Variants in PLEKHM3 observed in about 807,000 individuals in gnomAD.
PLEKHM3 encodes pleckstrin homology domain-containing family M member 3.
Under a neutral mutation model 81.8 loss-of-function variants are expected in PLEKHM3, and 45 were observed. That is an observed-to-expected ratio of 0.55 (90% CI 0.43 to 0.71). The LOEUF (loss-of-function observed/expected upper bound fraction) is 0.71, where lower values mean the gene tolerates loss of function less well. PLEKHM3 is among the 30% of genes least tolerant of loss of function. The pLI, the probability that PLEKHM3 is intolerant of heterozygous loss-of-function variation, is 0.00. For synonymous variants in PLEKHM3, 352 were observed against 356.4 expected (o/e 0.99, Z 0.14); for missense variants, 788 against 924.3 (o/e 0.85, Z 1.91).
intron 5 of PLEKHM3, among the ~76,000 whole-genome samples, chr2:207,930,524 T>G (rs1268099967): frequency 1.3e-5 from 2 of 152,152 alleles, no homozygotes; most frequent in East Asian, 3.8e-4. Flanking sequence ...TTATGAACTA[T>G]TTTAAACATG....
chr2:207,832,718 G>T (rs2092295322), intron 7 of PLEKHM3, among the ~76,000 whole-genome samples: 1 of 151,846 alleles, frequency 6.6e-6, no homozygotes, highest in African/African-American at 2.4e-5. Context: ...TTGAACCCGG[G>T]AGTCAGAGTT....
chr2:207,938,283 G>A (rs1004577296), intron 4 of PLEKHM3, among the ~76,000 whole-genome samples: 20 of 152,120 alleles, frequency 1.3e-4, no homozygotes, highest in Non-Finnish European at 2.2e-4. Flanking sequence ...AGGGTTTAGC[G>A]CTTCCTAATC....
chr2:207,923,540 G>C (rs929110546), intron 5 of PLEKHM3, among the ~76,000 whole-genome samples: 1 of 152,068 alleles, frequency 6.6e-6, no homozygotes, highest in Admixed American at 6.6e-5. Flanking sequence ...CAGGGAGGTG[G>C]AGGTTGCGGT....
intron 4 of PLEKHM3, among the ~76,000 whole-genome samples, chr2:207,941,905 C>T (rs939366601): frequency 6.6e-6 from 1 of 152,090 alleles, no homozygotes; most frequent in Non-Finnish European, 1.5e-5. Context: ...CAAATCAAAA[C>T]CACAATGAGA....
At chr2:207,911,631 T>C (rs1688811234) in intron 5 of PLEKHM3, among the ~76,000 whole-genome samples, 1 of 152,156 alleles carries the variant, frequency 6.6e-6, no homozygotes, top group African/African-American at 2.4e-5. Context: ...ACAGAGGATG[T>C]TTAGGGGTGA....
At chr2:207,944,358 G>A (rs916958157) in intron 4 of PLEKHM3, among the ~76,000 whole-genome samples, 1 of 152,204 alleles carries the variant, frequency 6.6e-6, no homozygotes, top group Non-Finnish European at 1.5e-5. Flanking sequence ...GAAGAGACGA[G>A]ATTTGGCAAA....
chr2:207,825,568 A>G lies in PLEKHM3; in HGVS notation c.*2751T>C, dbSNP rs2105873536. The G allele has an allele frequency of 6.6e-6, 1 of 152,326 alleles. No homozygotes were observed. Among genetic ancestry groups the G allele is most frequent in the East Asian group, 1.9e-4 (1 of 5,186 alleles). The allele number at this position is 152,326 out of a possible 1,614,324, so 9.4% of individuals were successfully genotyped here. On this transcript the variant is annotated 3_prime_UTR_variant, in exon 8 of 8. Coordinates refer to ENST00000427836, the MANE Select transcript of PLEKHM3 (RefSeq NM_001080475.3). ...CAAGTAATTTGTTAAAGTTGAAAAC[A>G]GTAAGGGCGTTCATGTGCGCCAAGG...
chr2:207,833,863 A>C (rs185127501), intron 7 of PLEKHM3, among the ~76,000 whole-genome samples: 34 of 152,348 alleles, frequency 2.2e-4, no homozygotes, highest in African/African-American at 8.2e-4. Context: ...TTACGTTCTT[A>C]CCAACCAATA....
intron 5 of PLEKHM3, among the ~76,000 whole-genome samples, chr2:207,921,873 T>A (rs992099977): frequency 9.8e-5 from 15 of 152,344 alleles, no homozygotes; most frequent in African/African-American, 3.6e-4. Context: ...TACTTCATTG[T>A]GTATATTTAC....
Position 208,001,032 on chromosome 2 carries a change from G to A in PLEKHM3, c.608C>T (p.Thr203Ile), listed in dbSNP as rs1574481604. Residue 203 changes from threonine (T) to isoleucine (I), a missense_variant and splice_region_variant, in exon 2 of 8, where the codon ACT (threonine) becomes ATT (isoleucine). Thr to Ile is a moderately conservative substitution (Grantham distance 89). Coordinates refer to ENST00000427836, the MANE Select transcript of PLEKHM3 (RefSeq NM_001080475.3). Reference protein sequence around the residue: ...PNKIEDAQGNTEHKQTFPNIL... With the variant: ...PNKIEDAQGNIEHKQTFPNIL... Reference sequence around the variant, plus strand: ...ATAAATAAAATTTAAAAACATACCAGTATTTCCTTGAGCATCTTCTATCTT... The same window carrying A: ...ATAAATAAAATTTAAAAACATACCAATATTTCCTTGAGCATCTTCTATCTT... The A allele has an allele frequency of 1.1e-5, 17 of 1,515,744 alleles. No homozygotes were observed. The East Asian group carries it at 4.2e-4, about 38-fold the overall frequency. The allele number at this position is 1,515,744 out of a possible 1,614,324, so 93.9% of individuals were successfully genotyped here.
chr2:207,968,848 A>G lies in PLEKHM3; in HGVS notation c.1546+7803T>C, dbSNP rs558757899. Among the ~76,000 whole-genome samples, 46 of 152,308 alleles carry G rather than the reference A, an allele frequency of 3.0e-4. 1 individual carries two copies. In the South Asian group the frequency reaches 9.1e-3, roughly 30 times the overall value. On this transcript the variant is annotated intron_variant, in intron 3 of 7. Coordinates refer to ENST00000427836, the MANE Select transcript of PLEKHM3 (RefSeq NM_001080475.3). ...GAAAATGACTTAGACAATACAACATAAGAAGGCAACAATACGCTAAACATT... is the reference window on the plus strand; with the variant it reads ...GAAAATGACTTAGACAATACAACATGAGAAGGCAACAATACGCTAAACATT...
chr2:207,832,322 C>G (rs988276082), intron 7 of PLEKHM3, among the ~76,000 whole-genome samples: 7 of 152,096 alleles, frequency 4.6e-5, no homozygotes, highest in Non-Finnish European at 1.0e-4. Flanking sequence ...ACCCTTTTCT[C>G]TTTAAAGGAA....
intron 6 of PLEKHM3, among the ~76,000 whole-genome samples, chr2:207,896,140 T>C (rs1253356310): frequency 6.6e-6 from 1 of 152,212 alleles, no homozygotes. Flanking sequence ...TCTCGAGCTC[T>C]ATAAAATCAC....
intron 5 of PLEKHM3, among the ~76,000 whole-genome samples, chr2:207,923,113 A>C (rs1689241425): frequency 6.6e-6 from 1 of 152,116 alleles, no homozygotes; most frequent in Non-Finnish European, 1.5e-5. Context: ...TGGAAGTTAA[A>C]GTTGTGCATG....
At chr2:207,948,797 C>T (rs925767917) in intron 3 of PLEKHM3, among the ~76,000 whole-genome samples, 2 of 151,996 alleles carry the variant, frequency 1.3e-5, no homozygotes, top group African/African-American at 4.8e-5. Flanking sequence ...CCCGCCTCGG[C>T]CTCCCAAAGT....
chr2:207,864,319 G>A (rs1169957823), intron 6 of PLEKHM3, among the ~76,000 whole-genome samples: 1 of 152,152 alleles, frequency 6.6e-6, no homozygotes, highest in East Asian at 1.9e-4. Flanking sequence ...ACCAACACAT[G>A]AGATATACTT....
chr2:207,868,887 G>A (rs910376627), intron 6 of PLEKHM3: 2 of 152,036 alleles, frequency 1.3e-5, no homozygotes, highest in African/African-American at 4.8e-5. Context: ...TTATCTGTTT[G>A]GATGGGATCA....
chr2:207,879,158 G>C (rs1344473850), intron 6 of PLEKHM3, among the ~76,000 whole-genome samples: 1 of 152,134 alleles, frequency 6.6e-6, no homozygotes, highest in Non-Finnish European at 1.5e-5. Context: ...TTGCAGATAA[G>C]TAAACTGAGA....
chr2:207,833,801 G>C (rs1036737808), intron 7 of PLEKHM3, among the ~76,000 whole-genome samples: 2 of 152,200 alleles, frequency 1.3e-5, no homozygotes, highest in Non-Finnish European at 2.9e-5. Context: ...GGAGTACCCA[G>C]GGATACTTAC....
Sources: allele counts gnomAD v4.1 joint callset (sites outside exome capture counted in the v4.1 genomes callset), GRCh38; gene constraint gnomAD v4.1.1; transcripts MANE v1.5; gene names NCBI Gene and HGNC (gene_info 2026-07-23, HGNC 2026-07-21).